ZDHHC11: variants seen among roughly 807,000 people sequenced by gnomAD.
ZDHHC11 encodes the protein palmitoyltransferase ZDHHC11.
ZDHHC11 carries 44 observed loss-of-function variants against 51.3 expected under a neutral mutation model. The ratio of observed to expected loss-of-function variants is 0.86; its 90% CI spans 0.67 to 1.10. ZDHHC11 has a LOEUF of 1.10. ZDHHC11 is among the 50% of genes least tolerant of loss of function. The pLI, the probability that ZDHHC11 is intolerant of heterozygous loss-of-function variation, is 0.00. For synonymous variants in ZDHHC11, 163 were observed against 222.0 expected, an observed-to-expected ratio of 0.73 and a Z score of 2.36; for missense variants, 400 against 537.7, an observed-to-expected ratio of 0.74 and a Z score of 2.53.
intron 4 of ZDHHC11, chr5:841,164 C>G: frequency 9.7e-7 from 1 of 1,030,468 alleles, no homozygotes; most frequent in East Asian, 9.4e-5. Context: ...GTGCCCACCC[C>G]TTCCTAAGTG....
intron 11 of ZDHHC11, among the ~76,000 whole-genome samples, chr5:807,132 A>G (rs1222778044): frequency 4.0e-5 from 6 of 150,860 alleles, no homozygotes; most frequent in Non-Finnish European, 7.4e-5. Flanking sequence ...CAGCCACAGA[A>G]GCAAACGCCA....
At chr5:818,163 G>A (rs1488813596) in intron 10 of ZDHHC11, among the ~76,000 whole-genome samples, 7 of 151,112 alleles carry the variant, frequency 4.6e-5, no homozygotes, top group South Asian at 2.1e-4. Context: ...ACTGTAAATC[G>A]TCATCTACAC....
intron 11 of ZDHHC11, among the ~76,000 whole-genome samples, chr5:802,484 T>G (rs1286148625): frequency 6.8e-6 from 1 of 147,876 alleles, no homozygotes; most frequent in Non-Finnish European, 1.5e-5. Flanking sequence ...AGAATGTAGA[T>G]AATTGTGTTG....
rs771046352 is a variant in ZDHHC11, at chr5:840,550, C to T, written c.729G>A (p.Leu243=). 8 of 1,613,748 alleles carry T rather than the reference C, an allele frequency of 5.0e-6. No individual in the cohort carries two copies. The highest frequency in any genetic ancestry group is 1.7e-5 in the Admixed American group (1 of 60,002). ...VVIIGMLVLL[L]DFLGLVHLGQ... ...CCAGGTGCACCAAGCCAAGAAAGTC[C>T]AGCAGGAGCACGAGCATCCCGATGA... Residue 243 remains leucine (L), a synonymous_variant, in exon 5 of 13, where the codon CTG becomes CTA. Transcript: ENST00000283441.
rs200221836 is a variant in ZDHHC11 at position 810,703 on chromosome 5, C to CA, written c.1181+4057dup. On this transcript the variant is annotated intron_variant, in intron 11 of 12. Coordinates refer to ENST00000283441, the MANE Select transcript of ZDHHC11 (RefSeq NM_024786.3). Reference sequence around the variant, plus strand: ...GTGACCCTGGAAGCATATTCTGTGACAAAAAAAGGGTTAATGGTAACTTAT... The same window carrying CA: ...GTGACCCTGGAAGCATATTCTGTGACAAAAAAAAGGGTTAATGGTAACTTAT... Among the ~76,000 whole-genome samples, 5 of 150,902 alleles carry CA rather than the reference C, an allele frequency of 3.3e-5. No homozygotes were observed. In the East Asian group the frequency reaches 7.8e-4, roughly 24 times the overall value.
intron 10 of ZDHHC11, among the ~76,000 whole-genome samples, chr5:818,569 T>A (rs1741137778): frequency 6.6e-6 from 1 of 151,530 alleles, no homozygotes; most frequent in African/African-American, 2.4e-5. Context: ...TCAGATGGAT[T>A]CCCCCACAGC....
intron 11 of ZDHHC11, among the ~76,000 whole-genome samples, chr5:805,178 C>T (rs1361177424): frequency 1.3e-5 from 2 of 151,482 alleles, no homozygotes; most frequent in African/African-American, 2.4e-5. Context: ...GTGGCTTACT[C>T]CTGTAATCCT....
chr5:847,097 T>C (rs1392957990), intron 3 of ZDHHC11, among the ~76,000 whole-genome samples: 1 of 142,452 alleles, frequency 7.0e-6, no homozygotes, highest in African/African-American at 2.8e-5. Context: ...CTCTCATCTG[T>C]GAGCCTCGAC....
At chr5:852,193 T>C (rs1334407506), upstream of ZDHHC11, among the ~76,000 whole-genome samples, 2 of 151,840 alleles carry the variant, frequency 1.3e-5, no homozygotes, top group African/African-American at 4.8e-5. Flanking sequence ...CAAACAGAAA[T>C]GATGTCGCCA....
At chr5:821,451 G>T (rs1482102953) in intron 9 of ZDHHC11, 1 of 166,700 alleles carries the variant, frequency 6.0e-6, no homozygotes, top group Non-Finnish European at 1.3e-5. Flanking sequence ...CTGCTGAAGG[G>T]GTGTGAACTA....
chr5:823,994 C>T (rs1741919471), intron 8 of ZDHHC11: 1 of 450,150 alleles, frequency 2.2e-6, no homozygotes, highest in Non-Finnish European at 4.5e-6. Flanking sequence ...AAGGCTTGGA[C>T]ACCAGCGTCG....
chr5:842,792 G>C (rs72491320), intron 4 of ZDHHC11: 1 of 747,990 alleles, frequency 1.3e-6, no homozygotes, highest in Non-Finnish European at 1.6e-6. Context: ...CGCTGCCTCC[G>C]CAGGGTCCAG....
At chr5:857,732 G>A (rs923456199) in intron 1 of ZDHHC11, among the ~76,000 whole-genome samples, 8 of 149,736 alleles carry the variant, frequency 5.3e-5, no homozygotes, top group African/African-American at 1.2e-4. Flanking sequence ...AGTCTGTCTC[G>A]GTCCCCGTCC....
rs193253670 is a variant in ZDHHC11 at position 804,141 on chromosome 5, C to T, written c.1182-2977G>A. Among the ~76,000 whole-genome samples, 3 of 151,264 alleles carry T rather than the reference C, an allele frequency of 2.0e-5. No individual in the cohort carries two copies. The East Asian group carries it at 5.8e-4, about 29-fold the overall frequency. On this transcript the variant is annotated intron_variant, in intron 11 of 12. Transcript: ENST00000283441. The stretch of plus-strand genomic sequence containing the variant: ...TGCACTTTCAGTTACCTCTGGGTAA[C>T]CACAGTCCAATAATATTAAATGGAA...
chr5:851,788 G>T (rs1366248353), upstream of ZDHHC11, among the ~76,000 whole-genome samples: 1 of 152,176 alleles, frequency 6.6e-6, no homozygotes, highest in Non-Finnish European at 1.5e-5. Flanking sequence ...GGGCGCGGGG[G>T]CTCACGCCTG....
intron 12 of ZDHHC11, among the ~76,000 whole-genome samples, chr5:798,790 ATTT>A (rs142996818): frequency 6.8e-6 from 1 of 147,062 alleles, no homozygotes; most frequent in Non-Finnish European, 1.5e-5. Context: ...AGTGGTGAAT[ATTT>A]TTTTTTTTGA....
At chr5:810,674 T>C (rs1739975367) in intron 11 of ZDHHC11, among the ~76,000 whole-genome samples, 1 of 151,526 alleles carries the variant, frequency 6.6e-6, no homozygotes, top group African/African-American at 2.4e-5. Flanking sequence ...ATCCAAACTG[T>C]TAGGTGACCC....
rs1329170983 is a variant in ZDHHC11 at position 815,511 on chromosome 5, A to G, written c.1147-716T>C. 2.0e-5 allele frequency among the ~76,000 whole-genome samples: 3 copies of G among 151,596 alleles called. No individual in the cohort carries two copies. The East Asian group carries it at 5.8e-4, about 29-fold the overall frequency. On this transcript the variant is annotated intron_variant, in intron 10 of 12. Coordinates refer to ENST00000283441, the MANE Select transcript of ZDHHC11 (RefSeq NM_024786.3). The stretch of plus-strand genomic sequence containing the variant: ...CATCTTTCATCCCCATGAGCAATAC[A>G]TGAGACTTCCAGTTCTCCGATGTCT...
intron 11 of ZDHHC11, among the ~76,000 whole-genome samples, chr5:805,052 T>C (rs1739054429): frequency 6.6e-6 from 1 of 151,394 alleles, no homozygotes; most frequent in African/African-American, 2.4e-5. Context: ...ATATTGTTAA[T>C]GGGTGCACAC....
Sources: allele counts gnomAD v4.1 joint callset (sites outside exome capture counted in the v4.1 genomes callset), GRCh38; gene constraint gnomAD v4.1.1; transcripts MANE v1.5; gene names NCBI Gene and HGNC (gene_info 2026-07-23, HGNC 2026-07-21).